Variants in PCDHGB2 observed in about 807,000 individuals in gnomAD.
PCDHGB2 encodes the protein protocadherin gamma subfamily B, 2, also known as protocadherin gamma-B2.
PCDHGB2 carries 55 observed loss-of-function variants against 59.3 expected under a neutral mutation model. The ratio of observed to expected loss-of-function variants is 0.93; its 90% CI spans 0.75 to 1.16. The LOEUF (loss-of-function observed/expected upper bound fraction) is 1.16, where lower values mean the gene tolerates loss of function less well. Among genes scored for constraint, PCDHGB2 ranks in the 50% most tolerant of loss-of-function variants. PCDHGB2 has a pLI of 0.00. For missense variants in PCDHGB2, 1,228 were observed against 1,198.5 expected, an observed-to-expected ratio of 1.02 and a Z score of -0.36; for synonymous variants, 516 against 512.0, an observed-to-expected ratio of 1.01 and a Z score of -0.11.
At chr5:141,403,223 G>C (rs1414315950) in intron 1 of PCDHGB2, 2 of 1,613,968 alleles carry the variant, frequency 1.2e-6, no homozygotes, top group Non-Finnish European at 8.5e-7. Flanking sequence ...GGGTAGGATA[G>C]ACCGGGAGGA....
intron 1 of PCDHGB2, among the ~76,000 whole-genome samples, chr5:141,405,839 G>C (rs2094725144): frequency 6.6e-6 from 1 of 152,134 alleles, no homozygotes; most frequent in African/African-American, 2.4e-5. Context: ...AGTATAAGTT[G>C]ATATCAGTGT....
chr5:141,384,940 T>A lies in PCDHGB2; in HGVS notation c.2421+22384T>A, dbSNP rs781038163. The A allele has an allele frequency of 1.2e-6, 2 of 1,613,942 alleles. No individual in the cohort carries two copies. The highest frequency in any genetic ancestry group is 1.7e-6 in the Non-Finnish European group (2 of 1,179,994). ...GGCCGACCTGGGCAGCCTTGAGCCCTCCGACGGTCCTTACAACTATGACCT... is the reference window on the plus strand; with the variant it reads ...GGCCGACCTGGGCAGCCTTGAGCCCACCGACGGTCCTTACAACTATGACCT... On this transcript the variant is annotated intron_variant, in intron 1 of 3. Coordinates refer to ENST00000522605, the MANE Select transcript of PCDHGB2 (RefSeq NM_018923.3).
chr5:141,432,172 C>T lies in PCDHGB2; in HGVS notation c.2422-62635C>T, dbSNP rs562175068. ...AGAACAATCCCAGAGGAGTTTCCCT[C>T]GTCTCTGTGACCGCCCACGACCCCG... On this transcript the variant is annotated intron_variant, in intron 1 of 3. Coordinates refer to ENST00000522605, the MANE Select transcript of PCDHGB2 (RefSeq NM_018923.3). This position sits in a 1 kb window ranked among gnomAD's most constrained non-coding sequence, Gnocchi z 6.0. 22 of 1,614,152 alleles carry T rather than the reference C, an allele frequency of 1.4e-5. No individual in the cohort carries two copies. In the Admixed American group the frequency reaches 3.5e-4, roughly 26 times the overall value.
chr5:141,375,513 T>C (rs1771538043), intron 1 of PCDHGB2: 2 of 1,614,038 alleles, frequency 1.2e-6, no homozygotes, highest in Non-Finnish European at 1.7e-6. Flanking sequence ...GTGAATGCAC[T>C]GGACCCTGAC....
At position 141,383,086 on chromosome 5, in the gene PCDHGB2, G is replaced by A. The variant is rs373805952; in HGVS notation, c.2421+20530G>A. 3.1e-6 allele frequency: 5 copies of A among 1,613,788 alleles called. No individual in the cohort carries two copies. The African/African-American group carries it at 6.7e-5, about 22-fold the overall frequency. On this transcript the variant is annotated intron_variant, in intron 1 of 3. Transcript: ENST00000522605. ...GGAGCCCCGGGAGCTGGCGGAGCGC[G>A]GAGTCCGCATCATCTCCAGAGGTAG...
chr5:141,414,981 C>G (rs766434004), intron 1 of PCDHGB2: 12 of 1,613,722 alleles, frequency 7.4e-6, no homozygotes, highest in East Asian at 6.7e-5. Flanking sequence ...ACAGAGACTC[C>G]GGCCAGAACG....
At position 141,362,375 on chromosome 5, in the gene PCDHGB2, C is replaced by T. The variant is rs755032384; in HGVS notation, c.2240C>T (p.Thr747Ile). Residue 747 changes from threonine to isoleucine, a missense_variant, in exon 1 of 4, where the codon ACA becomes ATA. By Grantham distance (89) the Thr-to-Ile change is moderately conservative (BLOSUM62 -1). Transcript: ENST00000522605. ...GTTCTCCCCAATTACAGTGAGGGTA[C>T]ATTGCCCTATTCCTACAACCTGTGT... Reference protein sequence around the residue: ...PGVLPNYSEGTLPYSYNLCVA... With the variant: ...PGVLPNYSEGILPYSYNLCVA... 3.1e-6 allele frequency: 5 copies of T among 1,613,922 alleles called. No individual in the cohort carries two copies. Among genetic ancestry groups the T allele is most frequent in the Admixed American group, 1.7e-5 (1 of 60,006 alleles).
In PCDHGB2 at chr5:141,486,334, C is replaced by T; in HGVS notation, c.2422-8473C>T. 1.2e-6 allele frequency: 2 copies of T among 1,614,098 alleles called. No individual in the cohort carries two copies. ...CAGGGTCAAACGGAGATGTGAGCCT[C>T]CGCATTCCTGACCACTTGCCATTTG... On this transcript the variant is annotated intron_variant, in intron 1 of 3. Coordinates refer to ENST00000522605, the MANE Select transcript of PCDHGB2 (RefSeq NM_018923.3). This position sits in a 1 kb window ranked among gnomAD's most constrained non-coding sequence, Gnocchi z 5.0.
chr5:141,368,882 C>T (rs992495169), intron 1 of PCDHGB2, among the ~76,000 whole-genome samples: 1 of 152,134 alleles, frequency 6.6e-6, no homozygotes, highest in Non-Finnish European at 1.5e-5. Flanking sequence ...AGTCTTGAGT[C>T]AGTTATATTT....
intron 1 of PCDHGB2, among the ~76,000 whole-genome samples, chr5:141,368,537 T>C (rs1023071907): frequency 6.6e-6 from 1 of 152,224 alleles, no homozygotes; most frequent in Non-Finnish European, 1.5e-5. Context: ...AACTTGCTTT[T>C]CCATTTTTTT....
intron 1 of PCDHGB2, chr5:141,371,772 C>A (rs1169459102): frequency 6.2e-7 from 1 of 1,614,022 alleles, no homozygotes; most frequent in Admixed American, 1.7e-5. Context: ...CTACACCGTG[C>A]ATGTAGCTGA....
Position 141,432,581 on chromosome 5 carries a change from C to T in PCDHGB2, c.2422-62226C>T. 6.2e-7 allele frequency: 1 copy of T among 1,613,930 alleles called. No homozygotes were observed. The highest frequency in any genetic ancestry group is 8.5e-7 in the Non-Finnish European group (1 of 1,179,974). On this transcript the variant is annotated intron_variant, in intron 1 of 3. Coordinates refer to ENST00000522605, the MANE Select transcript of PCDHGB2 (RefSeq NM_018923.3). The surrounding 1 kb of genome is among the most constrained non-coding windows in gnomAD (Gnocchi z 6.0). ...CCAGAACGCCTGGCTGTCCTACCGT[C>T]TGCTCAAGGCCAGCGAGCCGGGACT...
intron 1 of PCDHGB2, chr5:141,394,168 T>A (rs1291860578): frequency 1.7e-5 from 27 of 1,613,634 alleles, no homozygotes; most frequent in Non-Finnish European, 2.2e-5. Flanking sequence ...CCTCCTACTT[T>A]CCCTCATGCC....
chr5:141,409,749 C>T (rs1477022032), intron 1 of PCDHGB2: 4 of 1,613,030 alleles, frequency 2.5e-6, no homozygotes, highest in Admixed American at 1.7e-5. Context: ...GTGGTGTTCG[C>T]GCAGCGCGCC....
chr5:141,371,328 A>G, intron 1 of PCDHGB2: 1 of 1,614,010 alleles, frequency 6.2e-7, no homozygotes, highest in Non-Finnish European at 8.5e-7. Flanking sequence ...CTTTGAAGAG[A>G]GAGATAGCTA....
rs753422922 is a variant in PCDHGB2, at chr5:141,362,561, GC to G, written c.2421+6del. 2.5e-6 allele frequency: 4 copies of G among 1,608,504 alleles called. No homozygotes were observed. The highest frequency in any genetic ancestry group is 3.4e-6 in the Non-Finnish European group (4 of 1,177,448). ...GCCTCAGATACTATTTTGAAGGTGA[GC>G]TTTAATTAATTTATTTTCACTTCTG... On this transcript the variant is annotated splice_donor_region_variant and intron_variant, in intron 1 of 3. Coordinates refer to ENST00000522605, the MANE Select transcript of PCDHGB2 (RefSeq NM_018923.3).
chr5:141,365,353 T>C lies in PCDHGB2; in HGVS notation c.2421+2797T>C, dbSNP rs565922694. On this transcript the variant is annotated intron_variant, in intron 1 of 3. Coordinates refer to ENST00000522605, the MANE Select transcript of PCDHGB2 (RefSeq NM_018923.3). ...TGGTGGTCACAGTACAGGACGTGAA[T>C]GACAATGCCCCCGAAGTGATCCTCA... 7.4e-6 allele frequency: 12 copies of C among 1,613,980 alleles called. No individual in the cohort carries two copies. In the African/African-American group the frequency reaches 1.3e-4, roughly 18 times the overall value.
At chr5:141,420,190 A>T in intron 1 of PCDHGB2, 3 of 1,613,922 alleles carry the variant, frequency 1.9e-6, no homozygotes, top group Non-Finnish European at 2.5e-6. Flanking sequence ...GTCCAGCCAC[A>T]CAAGATAACC....
At position 141,372,056 on chromosome 5, in the gene PCDHGB2, C is replaced by T. The variant is rs1228124665; in HGVS notation, c.2421+9500C>T. ...TGAGCCTGCGCGTGTTGGTGGACGACCGCAACGACAATGCACCGCTGGTGC... is the reference window on the plus strand; with the variant it reads ...TGAGCCTGCGCGTGTTGGTGGACGATCGCAACGACAATGCACCGCTGGTGC... On this transcript the variant is annotated intron_variant, in intron 1 of 3. Transcript: ENST00000522605. The T allele has an allele frequency of 4.3e-6, 7 of 1,613,578 alleles. No individual in the cohort carries two copies. In the East Asian group the frequency reaches 1.6e-4, roughly 36 times the overall value.
Sources: gnomAD v4.1 joint callset for allele counts (sites outside exome capture counted in the v4.1 genomes callset) on GRCh38, gnomAD v4.1.1 for gene constraint, Gnocchi (gnomAD v3.1) non-coding constraint, MANE v1.5 for transcripts, NCBI Gene and HGNC (gene_info 2026-07-23, HGNC 2026-07-21) for gene names.